Variants in THSD4 observed in about 807,000 individuals in gnomAD.
THSD4 encodes the protein thrombospondin type-1 domain-containing protein 4.
In THSD4, 69 loss-of-function variants were observed where a neutral mutation model predicts 119.0. The ratio of observed to expected loss-of-function variants is 0.58; its 90% CI spans 0.48 to 0.71. The LOEUF is 0.71. Ranked by LOEUF, THSD4 falls within the 30% of genes least tolerant of loss-of-function variation. The pLI is 0.00. For synonymous variants in THSD4, 524 were observed against 540.4 expected (o/e 0.97, Z 0.42); for missense variants, 1,393 against 1,391.1 (o/e 1.00, Z -0.02).
intron 6 of THSD4, among the ~76,000 whole-genome samples, chr15:71,379,451 T>G (rs1056391642): frequency 0.017 from 504 of 29,964 alleles, 5 homozygotes; most frequent in South Asian, 0.048. Flanking sequence ...AAATGGCTTC[T>G]TTTTTTTTTT....
chr15:71,771,245 G>T (rs771407976), intron 17 of THSD4, 37 bp downstream of exon 17: 1 of 1,609,818 alleles, frequency 6.2e-7, no homozygotes, highest in African/African-American at 1.3e-5. Flanking sequence ...AAAGGTTTGT[G>T]TTTTTTAAGC....
intron 6 of THSD4, among the ~76,000 whole-genome samples, chr15:71,399,031 T>A (rs2140481531): frequency 6.6e-6 from 1 of 152,126 alleles, no homozygotes; most frequent in Non-Finnish European, 1.5e-5. Flanking sequence ...TGGGGAGGTA[T>A]GCCCCAGTGG....
chr15:71,550,501 A>G (rs1268133019), intron 7 of THSD4, among the ~76,000 whole-genome samples: 3 of 152,206 alleles, frequency 2.0e-5, no homozygotes, highest in Admixed American at 1.3e-4. Context: ...CAGTGGCACA[A>G]TCTCGGCTCA....
chr15:71,413,671 A>C (rs188145343), intron 7 of THSD4, among the ~76,000 whole-genome samples: 125 of 152,342 alleles, frequency 8.2e-4, no homozygotes, highest in Non-Finnish European at 1.3e-4. Flanking sequence ...GAAAGGAACA[A>C]GGTGTCACTT....
At chr15:71,703,545 A>G (rs560381230) in intron 8 of THSD4, among the ~76,000 whole-genome samples, 16 of 152,294 alleles carry the variant, frequency 1.1e-4, no homozygotes, top group African/African-American at 3.8e-4. Context: ...CCTGAGATAC[A>G]GCAAAGAGAG....
At chr15:71,766,069 G>C (rs1162641789) in intron 16 of THSD4, among the ~76,000 whole-genome samples, 1 of 151,968 alleles carries the variant, frequency 6.6e-6, no homozygotes, top group African/African-American at 2.4e-5. Context: ...TCTTTCTCAA[G>C]TCATTTCAAA....
intron 3 of THSD4, among the ~76,000 whole-genome samples, chr15:71,165,674 T>C (rs1464991474): frequency 1.3e-5 from 2 of 152,200 alleles, no homozygotes; most frequent in African/African-American, 4.8e-5. Context: ...GTAATCTTCA[T>C]CTGTGGTGTC....
In THSD4 at chr15:71,271,862, A is replaced by G. The variant is rs1221207880; in HGVS notation, c.1015+15147A>G. 2.6e-5 allele frequency among the ~76,000 whole-genome samples: 4 copies of G among 152,218 alleles called. No homozygotes were observed. In the East Asian group the frequency reaches 5.8e-4, roughly 22 times the overall value. ...TAGGAGAAAACATAGGAGAAACACT[A>G]CAAGACATCAGTCTAGGGGATGATT... On this transcript the variant is annotated intron_variant, in intron 6 of 17. Coordinates refer to ENST00000261862, the MANE Select transcript of THSD4 (RefSeq NM_024817.3).
At chr15:71,265,867 C>T (rs558588188) in intron 6 of THSD4, among the ~76,000 whole-genome samples, 53 of 152,170 alleles carry the variant, frequency 3.5e-4, no homozygotes, top group African/African-American at 1.2e-3. Flanking sequence ...CAGAGCCCAC[C>T]GCAGCTCGGG....
At chr15:71,162,478 T>G (rs2141391428) in intron 3 of THSD4, among the ~76,000 whole-genome samples, 1 of 152,182 alleles carries the variant, frequency 6.6e-6, no homozygotes, top group African/African-American at 2.4e-5. Flanking sequence ...CCTGAAAGGT[T>G]TCTGCTAAAA....
chr15:71,131,881 C>T (rs891996998), intron 1 of THSD4, among the ~76,000 whole-genome samples: 4 of 152,202 alleles, frequency 2.6e-5, no homozygotes, highest in African/African-American at 9.7e-5. Context: ...GGTGGAATTC[C>T]ACCCGGACGA....
intron 6 of THSD4, among the ~76,000 whole-genome samples, chr15:71,360,882 A>G (rs747695974): frequency 6.6e-6 from 1 of 152,242 alleles, no homozygotes; most frequent in South Asian, 2.1e-4. Flanking sequence ...GGGGAGATGG[A>G]TATCTTAGAG....
At chr15:71,212,296 GTCAC>G (rs1361002461) in intron 3 of THSD4, among the ~76,000 whole-genome samples, 1 of 152,210 alleles carries the variant, frequency 6.6e-6, no homozygotes, top group Non-Finnish European at 1.5e-5. Context: ...GGAATTTCAA[GTCAC>G]TCACCATAAT....
chr15:71,666,691 A>C (rs1486646625), intron 8 of THSD4, among the ~76,000 whole-genome samples: 1 of 152,252 alleles, frequency 6.6e-6, no homozygotes, highest in Non-Finnish European at 1.5e-5. Flanking sequence ...TGAAGGTATA[A>C]TTATAGAGTT....
chr15:71,143,467 C>T (rs2040624684), intron 2 of THSD4, among the ~76,000 whole-genome samples: 1 of 151,910 alleles, frequency 6.6e-6, no homozygotes, highest in Non-Finnish European at 1.5e-5. Flanking sequence ...GTGGAGGTCA[C>T]AGTCGGTTAT....
At chr15:71,552,378 T>A (rs1292414743) in intron 7 of THSD4, among the ~76,000 whole-genome samples, 1 of 152,256 alleles carries the variant, frequency 6.6e-6, no homozygotes, top group Non-Finnish European at 1.5e-5. Flanking sequence ...AGGACTGCTT[T>A]GTAAGCAGTG....
At chr15:71,121,058 G>A (rs769534276) in intron 1 of THSD4, among the ~76,000 whole-genome samples, 33 of 152,166 alleles carry the variant, frequency 2.2e-4, no homozygotes, top group African/African-American at 3.9e-4. Context: ...GAAACCCTCC[G>A]ACCATATCAG....
Position 71,783,263 on chromosome 15 carries a change from C to G in THSD4, c.*5889C>G, listed in dbSNP as rs1216286509. ...TTTATTATTGTAAAGATACAATAAACCGGTTGAAATATCTGCTTTGTTGAC... is the reference window on the plus strand; with the variant it reads ...TTTATTATTGTAAAGATACAATAAAGCGGTTGAAATATCTGCTTTGTTGAC... On this transcript the variant is annotated 3_prime_UTR_variant, in exon 18 of 18. Coordinates refer to ENST00000261862, the MANE Select transcript of THSD4 (RefSeq NM_024817.3). The G allele has an allele frequency of 6.6e-6, 1 of 152,166 alleles. No individual in the cohort carries two copies. Among genetic ancestry groups the G allele is most frequent in the Non-Finnish European group, 1.5e-5 (1 of 68,030 alleles). The allele number at this position is 152,166 out of a possible 1,614,324, so 9.4% of individuals were successfully genotyped here.
chr15:71,160,020 T>C lies in THSD4; in HGVS notation c.99+5088T>C, dbSNP rs942369251. Among the ~76,000 whole-genome samples the C allele has an allele frequency of 3.9e-5, 6 of 152,162 alleles. No homozygotes were observed. The South Asian group carries it at 1.2e-3, about 32-fold the overall frequency. The stretch of plus-strand genomic sequence containing the variant: ...CTATACTTAATTTGTTGACAGTTAT[T>C]ATCATGAAGGAATGTTGAATTTTGT... On this transcript the variant is annotated intron_variant, in intron 3 of 17. Transcript: ENST00000261862.
Sources: gnomAD v4.1 joint callset for allele counts (sites outside exome capture counted in the v4.1 genomes callset) on GRCh38, gnomAD v4.1.1 for gene constraint, MANE v1.5 for transcripts, NCBI Gene and HGNC (gene_info 2026-07-23, HGNC 2026-07-21) for gene names.